FAM178B: variants seen among roughly 807,000 people sequenced by gnomAD.
The protein encoded by FAM178B is family with sequence similarity 178 member B, also known as protein FAM178B.
FAM178B carries 82 observed loss-of-function variants against 91.7 expected under a neutral mutation model. That is an observed-to-expected ratio of 0.89 (90% CI 0.75 to 1.07). FAM178B has a LOEUF of 1.07. Ranked by LOEUF, FAM178B falls within the 50% of genes least tolerant of loss-of-function variation. The pLI, the probability that FAM178B is intolerant of heterozygous loss-of-function variation, is 0.00. For missense variants in FAM178B, 769 were observed against 846.7 expected, an observed-to-expected ratio of 0.91 and a Z score of 1.14; for synonymous variants, 368 against 359.4, an observed-to-expected ratio of 1.02 and a Z score of -0.27.
intron 9 of FAM178B, among the ~76,000 whole-genome samples, chr2:96,927,878 G>A (rs904668414): frequency 2.0e-5 from 3 of 152,162 alleles, no homozygotes; most frequent in Admixed American, 6.5e-5. Flanking sequence ...TGCCTCAGAC[G>A]TTCATTTGTC....
intron 5 of FAM178B, among the ~76,000 whole-genome samples, chr2:96,965,642 T>C (rs1050429710): frequency 2.6e-5 from 4 of 152,024 alleles, no homozygotes; most frequent in Non-Finnish European, 5.9e-5. Flanking sequence ...TTTAAAAATG[T>C]TTTAGGACAG....
chr2:96,917,964 G>C (rs1254356123), intron 12 of FAM178B, among the ~76,000 whole-genome samples: 1 of 152,128 alleles, frequency 6.6e-6, no homozygotes, highest in Non-Finnish European at 1.5e-5. Flanking sequence ...AAACAGATTT[G>C]AGTTGGGATT....
chr2:96,925,233 G>A (rs1322018376), intron 9 of FAM178B, among the ~76,000 whole-genome samples: 2 of 152,164 alleles, frequency 1.3e-5, no homozygotes, highest in African/African-American at 4.8e-5. Flanking sequence ...GAAGAGAGAC[G>A]CTGCCAAGGG....
At chr2:96,980,251 T>C (rs2082344824) in intron 1 of FAM178B, among the ~76,000 whole-genome samples, 1 of 152,128 alleles carries the variant, frequency 6.6e-6, no homozygotes, top group Non-Finnish European at 1.5e-5. Flanking sequence ...AATTTTTGTA[T>C]TTTGAGTAGA....
At chr2:96,945,686 T>C (rs1485868707) in intron 8 of FAM178B, among the ~76,000 whole-genome samples, 4 of 152,180 alleles carry the variant, frequency 2.6e-5, no homozygotes, top group African/African-American at 9.7e-5. Flanking sequence ...CCTGAGGAAA[T>C]GACTTCCTTC....
chr2:96,919,886 G>GCC (rs2081304281), intron 12 of FAM178B, among the ~76,000 whole-genome samples: 1 of 152,218 alleles, frequency 6.6e-6, no homozygotes, highest in African/African-American at 2.4e-5. Context: ...CTGAAGCGGA[G>GCC]CCCAGGACAA....
At chr2:96,961,312 G>GGGGTGTGT (rs72073606) in intron 5 of FAM178B, among the ~76,000 whole-genome samples, 12 of 146,842 alleles carry the variant, frequency 8.2e-5, no homozygotes, top group African/African-American at 1.7e-4. Flanking sequence ...AGCAGCAGAG[G>GGGGTGTGT]GTGTGTGTGT....
intron 13 of FAM178B, among the ~76,000 whole-genome samples, chr2:96,896,332 G>C (rs530251333): frequency 1.3e-5 from 2 of 152,314 alleles, no homozygotes; most frequent in African/African-American, 4.8e-5. Flanking sequence ...TGCCTGTGCC[G>C]TTGTGCCTTC....
rs117342700 is a variant in FAM178B, at chr2:96,891,923, G to T, written c.1776+2003C>A. Among the ~76,000 whole-genome samples, 283 of 152,312 alleles carry T rather than the reference G, an allele frequency of 1.9e-3. 9 individuals are homozygous for T. The East Asian group carries it at 0.034, about 18-fold the overall frequency. The stretch of plus-strand genomic sequence containing the variant: ...TTTCCTCCAGGCTGGGCCGCCTCAG[G>T]TCAACCCTACTCTGGCCTCAGTTTC... On this transcript the variant is annotated intron_variant, in intron 14 of 16. Transcript: ENST00000490605.
chr2:96,980,059 G>A (rs2082342020), intron 1 of FAM178B, among the ~76,000 whole-genome samples: 1 of 151,916 alleles, frequency 6.6e-6, no homozygotes, highest in African/African-American at 2.4e-5. Context: ...GTGTAATGGT[G>A]TTTCTTTGTG....
intron 1 of FAM178B, among the ~76,000 whole-genome samples, chr2:96,973,625 A>T (rs1327700523): frequency 2.6e-5 from 4 of 152,200 alleles, no homozygotes; most frequent in Non-Finnish European, 4.4e-5. Context: ...AACAAACAAC[A>T]AGATTCAAAC....
chr2:96,890,452 AGACAGGCCCT>A (rs2080645781), intron 14 of FAM178B, among the ~76,000 whole-genome samples: 1 of 152,128 alleles, frequency 6.6e-6, no homozygotes, highest in African/African-American at 2.4e-5. Flanking sequence ...CAATAGAGTG[AGACAGGCCCT>A]GTTTAAAAAA....
In FAM178B at chr2:96,972,267, C is replaced by T; in HGVS notation, c.198G>A (p.Leu66=). The T allele has an allele frequency of 1.3e-6, 2 of 1,498,034 alleles. No homozygotes were observed. The highest frequency in any genetic ancestry group is 1.8e-6 in the Non-Finnish European group (2 of 1,123,726). 92.8% of individuals were successfully genotyped at this position (1,498,034 alleles called of 1,614,324 possible). ...PILLYNLEDG[L]SDHPLDQGPR... ...GCCCCTGGTCCAGGGGATGGTCTGA[C>T]AAGCCATCCTCCAGGTTGTACAGGA... is the stretch of plus-strand genomic sequence containing the variant. The change falls in exon 3 of 17, where the codon TTG becomes TTA. Residue 66 remains leucine (L), a synonymous_variant. Transcript: ENST00000490605.
chr2:96,950,395 G>C (rs147977976), intron 7 of FAM178B, among the ~76,000 whole-genome samples: 1 of 152,158 alleles, frequency 6.6e-6, no homozygotes, highest in Non-Finnish European at 1.5e-5. Context: ...TTCCTCCTCC[G>C]GGGTAAGGAG....
Position 96,986,569 on chromosome 2 carries a change from C to A in FAM178B, c.-256G>T, listed in dbSNP as rs896304057. 2.0e-6 allele frequency: 1 copy of A among 493,996 alleles called. No homozygotes were observed. The allele number at this position is 493,996 out of a possible 1,614,324, so 30.6% of individuals were successfully genotyped here. A position where few individuals can be genotyped will look rare whatever the true frequency, so the allele number is the denominator to read the frequency against. ...CCGCCGCCGCCAGCTGGGGAGCTCGCCGGCCAAGTGCGCACCCTCTTCCTG... is the reference window on the plus strand; with the variant it reads ...CCGCCGCCGCCAGCTGGGGAGCTCGACGGCCAAGTGCGCACCCTCTTCCTG... On this transcript the variant is annotated 5_prime_UTR_variant, in exon 1 of 17. Transcript: ENST00000490605.
rs187573054 is a variant in FAM178B, at chr2:96,936,753, C to T, written c.1079-7433G>A. ...CTCGAACTCCTGACTTCAGGTGATCCGCCCACCTCATCCTCCCAAAATGCT... is the reference window on the plus strand; with the variant it reads ...CTCGAACTCCTGACTTCAGGTGATCTGCCCACCTCATCCTCCCAAAATGCT... On this transcript the variant is annotated intron_variant, in intron 8 of 16. Coordinates refer to ENST00000490605, the MANE Select transcript of FAM178B (RefSeq NM_001122646.3). Among the ~76,000 whole-genome samples, 35 of 152,008 alleles carry T rather than the reference C, an allele frequency of 2.3e-4. No homozygotes were observed. The South Asian group carries it at 6.7e-3, about 29-fold the overall frequency.
chr2:96,972,388 A>C, intron 2 of FAM178B, 66 bp from the exon 3 acceptor site: 2 of 1,470,046 alleles, frequency 1.4e-6, no homozygotes, highest in Non-Finnish European at 9.1e-7. Flanking sequence ...GTCAAGCCAC[A>C]CTGGGTAAGG....
intron 1 of FAM178B, among the ~76,000 whole-genome samples, chr2:96,974,060 G>A (rs760854175): frequency 6.6e-6 from 1 of 151,094 alleles, no homozygotes; most frequent in African/African-American, 2.4e-5. Flanking sequence ...TAATCTCCAG[G>A]GTAATCACTA....
chr2:96,897,171 T>C (rs545048531), intron 13 of FAM178B, among the ~76,000 whole-genome samples: 12 of 152,166 alleles, frequency 7.9e-5, no homozygotes, highest in Non-Finnish European at 1.5e-4. Context: ...TTGGCCCCTT[T>C]GCAATTTACT....
Sources: allele counts gnomAD v4.1 joint callset (sites outside exome capture counted in the v4.1 genomes callset), GRCh38; gene constraint gnomAD v4.1.1; transcripts MANE v1.5; gene names NCBI Gene and HGNC (gene_info 2026-07-23, HGNC 2026-07-21).